Variants in ANKS1B observed in about 807,000 individuals in gnomAD.
ANKS1B encodes ankyrin repeat and sterile alpha motif domain containing 1B.
Under a neutral mutation model 148.3 loss-of-function variants are expected in ANKS1B, and 36 were observed. That is an observed-to-expected ratio of 0.24 (90% CI 0.19 to 0.32). The LOEUF is 0.32. Among genes scored for constraint, ANKS1B ranks in the 10% least tolerant of loss-of-function variants. The probability of loss-of-function intolerance (pLI) is 1.00; values close to 1 mark genes in which losing one functional copy is unlikely to be tolerated. For synonymous variants in ANKS1B, 542 were observed against 560.8 expected, an observed-to-expected ratio of 0.97 and a Z score of 0.47; for missense variants, 1,157 against 1,542.6, an observed-to-expected ratio of 0.75 and a Z score of 4.19.
chr12:98,861,253 G>C (rs2099597825), intron 17 of ANKS1B, among the ~76,000 whole-genome samples: 2 of 152,148 alleles, frequency 1.3e-5, no homozygotes. Context: ...GATGGATCAG[G>C]CTCCAATCTT....
chr12:99,265,189 T>C (rs1468628233), intron 12 of ANKS1B, among the ~76,000 whole-genome samples: 1 of 152,180 alleles, frequency 6.6e-6, no homozygotes, highest in Non-Finnish European at 1.5e-5. Flanking sequence ...GTTCTCATAG[T>C]GTGGACCCCA....
At chr12:98,794,795 G>A (rs918500482) in intron 22 of ANKS1B, 13 of 1,474,532 alleles carry the variant, frequency 8.8e-6, no homozygotes, top group South Asian at 3.4e-5. Flanking sequence ...ACAGAAACAC[G>A]AAGCTTAATG....
At chr12:99,828,243 A>G (rs2083451461) in intron 1 of ANKS1B, among the ~76,000 whole-genome samples, 1 of 152,186 alleles carries the variant, frequency 6.6e-6, no homozygotes, top group Non-Finnish European at 1.5e-5. Flanking sequence ...TGGCACAGAT[A>G]AAATGCATGA....
chr12:99,431,297 G>A (rs1203769735), intron 11 of ANKS1B, among the ~76,000 whole-genome samples: 1 of 152,114 alleles, frequency 6.6e-6, no homozygotes, highest in Non-Finnish European at 1.5e-5. Context: ...AAGGATTAAA[G>A]TAGACAGTGT....
chr12:99,556,106 T>C (rs970289488), intron 9 of ANKS1B, among the ~76,000 whole-genome samples: 4 of 152,200 alleles, frequency 2.6e-5, no homozygotes, highest in African/African-American at 4.8e-5. Flanking sequence ...TGATTCAATT[T>C]CAGAACTCAT....
At chr12:99,453,481 C>A (rs953597978) in intron 10 of ANKS1B, among the ~76,000 whole-genome samples, 1 of 152,034 alleles carries the variant, frequency 6.6e-6, no homozygotes, top group Non-Finnish European at 1.5e-5. Context: ...GAGCTGAGGC[C>A]CTCATTTCAA....
intron 9 of ANKS1B, among the ~76,000 whole-genome samples, chr12:99,549,576 C>G (rs911720230): frequency 1.3e-5 from 2 of 152,170 alleles, no homozygotes; most frequent in Admixed American, 6.5e-5. Flanking sequence ...CCAACACTTT[C>G]ATGAATGCTT....
intron 17 of ANKS1B, among the ~76,000 whole-genome samples, chr12:98,965,668 C>A (rs950276989): frequency 5.3e-5 from 8 of 152,120 alleles, no homozygotes; most frequent in Non-Finnish European, 1.0e-4. Context: ...CTACAGTAAC[C>A]AAAACAGCAT....
chr12:98,801,569 T>C lies in ANKS1B; in HGVS notation c.3142-444A>G, dbSNP rs1355380623. Among the ~76,000 whole-genome samples the C allele has an allele frequency of 6.6e-6, 1 of 152,210 alleles. No homozygotes were observed. Among genetic ancestry groups the C allele is most frequent in the Non-Finnish European group, 1.5e-5 (1 of 68,034 alleles). ...CAAATATGACATGTACTAGCCACTT[T>C]GAATAATTTTAGATCTCTGGAGAAA... is the stretch of plus-strand genomic sequence containing the variant. On this transcript the variant is annotated intron_variant, in intron 20 of 26. Transcript: ENST00000683438. The surrounding 1 kb of genome is among the most constrained non-coding windows in gnomAD (Gnocchi z 5.2).
intron 17 of ANKS1B, among the ~76,000 whole-genome samples, chr12:98,896,010 G>C (rs993939307): frequency 6.6e-6 from 1 of 152,128 alleles, no homozygotes; most frequent in East Asian, 1.9e-4. Context: ...AGTTCCATCC[G>C]TAAGTGTGAG....
At chr12:99,216,126 C>G (rs1364845253) in intron 14 of ANKS1B, among the ~76,000 whole-genome samples, 2 of 152,216 alleles carry the variant, frequency 1.3e-5, no homozygotes, top group Admixed American at 1.3e-4. Context: ...CCTGCACATG[C>G]TCTCTTGCCT....
At chr12:99,593,550 T>C (rs1187990029) in intron 9 of ANKS1B, among the ~76,000 whole-genome samples, 1 of 152,092 alleles carries the variant, frequency 6.6e-6, no homozygotes, top group Non-Finnish European at 1.5e-5. Context: ...TAAGAATTCT[T>C]CTCATCCGAA....
intron 15 of ANKS1B, among the ~76,000 whole-genome samples, chr12:99,105,981 C>T (rs1321843584): frequency 6.6e-6 from 1 of 152,062 alleles, no homozygotes; most frequent in African/African-American, 2.4e-5. Flanking sequence ...TGGTCTCCAA[C>T]AAGAAGAGTG....
chr12:99,814,408 A>C (rs2068838389), intron 2 of ANKS1B, among the ~76,000 whole-genome samples: 1 of 151,774 alleles, frequency 6.6e-6, no homozygotes. Context: ...AAAATAAAAT[A>C]CTTTAGAAGT....
intron 17 of ANKS1B, among the ~76,000 whole-genome samples, chr12:98,840,914 A>C (rs2099402460): frequency 6.6e-6 from 1 of 152,212 alleles, no homozygotes; most frequent in Non-Finnish European, 1.5e-5. Flanking sequence ...AAAATTTGTT[A>C]CAAAAGAAAA....
intron 15 of ANKS1B, among the ~76,000 whole-genome samples, chr12:99,106,864 A>AT (rs2059331186): frequency 1.3e-5 from 2 of 152,218 alleles, no homozygotes; most frequent in East Asian, 1.9e-4. Flanking sequence ...TCTGTAGATC[A>AT]TTTTTTTCCA....
intron 1 of ANKS1B, among the ~76,000 whole-genome samples, chr12:99,877,320 C>T (rs1442851502): frequency 1.3e-5 from 2 of 152,166 alleles, no homozygotes; most frequent in Non-Finnish European, 2.9e-5. Flanking sequence ...GCTCTAAAGC[C>T]ATTTCTAAAT....
At chr12:99,194,888 T>C (rs1387995789) in intron 14 of ANKS1B, among the ~76,000 whole-genome samples, 2 of 152,200 alleles carry the variant, frequency 1.3e-5, no homozygotes, top group Admixed American at 6.5e-5. Context: ...TATTTGTTGA[T>C]AGGTTTTGAA....
At chr12:99,379,944 T>TA in intron 12 of ANKS1B, among the ~76,000 whole-genome samples, 1 of 152,352 alleles carries the variant, frequency 6.6e-6, no homozygotes, top group East Asian at 1.9e-4. Context: ...TATCAAGACT[T>TA]AGAGTCTCTT....
Sources: gnomAD v4.1 joint callset for allele counts (sites outside exome capture counted in the v4.1 genomes callset) on GRCh38, gnomAD v4.1.1 for gene constraint, Gnocchi (gnomAD v3.1) non-coding constraint, MANE v1.5 for transcripts, NCBI Gene and HGNC (gene_info 2026-07-23, HGNC 2026-07-21) for gene names.